The following ITPR2 variants were observed in gnomAD, a reference collection of about 807,000 sequenced individuals.
ITPR2 encodes the protein inositol 1,4,5-trisphosphate-gated calcium channel ITPR2.
Under a neutral mutation model 317.1 loss-of-function variants are expected in ITPR2, and 207 were observed. The observed-to-expected ratio is 0.65, with a 90% CI of 0.58 to 0.73. The LOEUF (loss-of-function observed/expected upper bound fraction) is 0.73, where lower values mean the gene tolerates loss of function less well. Ranked by LOEUF, ITPR2 falls within the 30% of genes least tolerant of loss-of-function variation. The pLI is 0.00. For missense variants in ITPR2, 2,613 were observed against 3,284.0 expected, an observed-to-expected ratio of 0.80 and a Z score of 4.99; for synonymous variants, 1,156 against 1,149.1, an observed-to-expected ratio of 1.01 and a Z score of -0.12.
intron 34 of ITPR2, among the ~76,000 whole-genome samples, chr12:26,562,677 G>A (rs951647204): frequency 6.6e-6 from 1 of 151,884 alleles, no homozygotes; most frequent in Non-Finnish European, 1.5e-5. Context: ...AGTGCAGCAG[G>A]GATATGGGGC....
At chr12:26,601,069 C>T (rs1054845711) in intron 28 of ITPR2, among the ~76,000 whole-genome samples, 2 of 152,098 alleles carry the variant, frequency 1.3e-5, no homozygotes, top group Admixed American at 1.3e-4. Flanking sequence ...AGAATCTTAA[C>T]AAGAAACTTA....
chr12:26,594,003 G>A (rs1001751771), intron 32 of ITPR2, among the ~76,000 whole-genome samples: 2 of 152,110 alleles, frequency 1.3e-5, no homozygotes, highest in Non-Finnish European at 2.9e-5. Flanking sequence ...CCTCCTGCAC[G>A]TGCAGTTTTA....
At chr12:26,614,518 A>G (rs556768203) in intron 26 of ITPR2, among the ~76,000 whole-genome samples, 6 of 152,308 alleles carry the variant, frequency 3.9e-5, no homozygotes, top group Admixed American at 2.6e-4. Context: ...CCTGCACCCA[A>G]ATGTTTATAG....
At chr12:26,530,485 G>C (rs1043296108) in intron 37 of ITPR2, among the ~76,000 whole-genome samples, 10 of 152,176 alleles carry the variant, frequency 6.6e-5, no homozygotes, top group Non-Finnish European at 1.2e-4. Context: ...TTACTTTCTT[G>C]ATGGTCAGAA....
chr12:26,662,585 C>G (rs114275611), intron 15 of ITPR2, among the ~76,000 whole-genome samples: 1 of 152,104 alleles, frequency 6.6e-6, no homozygotes, highest in Non-Finnish European at 1.5e-5. Flanking sequence ...TTAAGAGAAA[C>G]CCTAATTTAT....
chr12:26,364,738 A>C (rs1379986357), intron 55 of ITPR2, among the ~76,000 whole-genome samples: 1 of 152,172 alleles, frequency 6.6e-6, no homozygotes, highest in African/African-American at 2.4e-5. Flanking sequence ...CTTGAAAATC[A>C]ATTTATCTTG....
intron 28 of ITPR2, 75 bp downstream of exon 28, chr12:26,602,295 T>A: frequency 6.7e-7 from 1 of 1,502,412 alleles, no homozygotes; most frequent in Non-Finnish European, 9.0e-7. Context: ...AAGAAAAAAT[T>A]TCTTGGAACT....
rs1214849588 is a variant in ITPR2, at chr12:26,483,911, GA to G, written c.5812-14del. 1 of 1,610,462 alleles carries G rather than the reference GA, an allele frequency of 6.2e-7. No individual in the cohort carries two copies. The highest frequency in any genetic ancestry group is 8.5e-7 in the Non-Finnish European group (1 of 1,176,950). The stretch of plus-strand genomic sequence containing the variant: ...TCCTCAAGAAGTTCTGAAGGCAAAA[GA>G]AAATAAAATTGAAGGGTTACAAAAA... On this transcript the variant is annotated splice_polypyrimidine_tract_variant and intron_variant, in intron 41 of 56. Transcript: ENST00000381340.
chr12:26,782,017 TATATATATATATATATGTATAGAGAGAG>T (rs1449773191), intron 2 of ITPR2, among the ~76,000 whole-genome samples: 132 of 47,998 alleles, frequency 2.8e-3, no homozygotes, highest in Admixed American at 5.2e-3. Context: ...TATATATATA[TATATATATATATATATGTATAGAGAGAG>T]AGAGAGAGAG....
intron 8 of ITPR2, among the ~76,000 whole-genome samples, chr12:26,712,751 C>A (rs1315952405): frequency 6.6e-6 from 1 of 152,140 alleles, no homozygotes; most frequent in African/African-American, 2.4e-5. Flanking sequence ...CTCTCCTATA[C>A]ATCAGTGGGT....
At chr12:26,761,582 C>A (rs901309602) in intron 2 of ITPR2, among the ~76,000 whole-genome samples, 5 of 152,154 alleles carry the variant, frequency 3.3e-5, no homozygotes, top group Non-Finnish European at 5.9e-5. Context: ...TCGCTTGAGG[C>A]CACAAGTTTG....
At chr12:26,659,746 T>C (rs1231972654) in intron 15 of ITPR2, among the ~76,000 whole-genome samples, 1 of 152,216 alleles carries the variant, frequency 6.6e-6, no homozygotes, top group Non-Finnish European at 1.5e-5. Flanking sequence ...AGCCAATGAT[T>C]TGGGCATAAT....
rs1191769491 is a variant in ITPR2 at position 26,790,083 on chromosome 12, ATTAC to A, written c.163+70_163+73del. ...GTTTCACATTGAATAAAGTTTTAAC[ATTAC>A]TTACTTTGAGACATAAAAATAATCC... On this transcript the variant is annotated intron_variant, in intron 2 of 56. Coordinates refer to ENST00000381340, the MANE Select transcript of ITPR2 (RefSeq NM_002223.4). 32 of 957,064 alleles carry A rather than the reference ATTAC, an allele frequency of 3.3e-5. No individual in the cohort carries two copies. The Admixed American group carries it at 5.8e-4, about 17-fold the overall frequency. The allele number at this position is 957,064 out of a possible 1,614,324, so 59.3% of individuals were successfully genotyped here. A position where few individuals can be genotyped will look rare whatever the true frequency, so the allele number is the denominator to read the frequency against.
At chr12:26,656,697 A>T in intron 18 of ITPR2, 149 bp from the exon 19 acceptor site, 1 of 785,562 alleles carries the variant, frequency 1.3e-6, no homozygotes, top group Non-Finnish European at 2.0e-6. Flanking sequence ...TATGTTAACC[A>T]TTAAGATCAA....
intron 26 of ITPR2, among the ~76,000 whole-genome samples, chr12:26,603,729 A>G (rs1946057142): frequency 6.6e-6 from 1 of 152,252 alleles, no homozygotes; most frequent in African/African-American, 2.4e-5. Context: ...CTACTTAGGC[A>G]TAAAGGATGT....
chr12:26,663,411 C>A (rs188953268), intron 15 of ITPR2, among the ~76,000 whole-genome samples: 2 of 152,298 alleles, frequency 1.3e-5, no homozygotes, highest in African/African-American at 4.8e-5. Context: ...CATAATAGAT[C>A]CAGGATGTCC....
In ITPR2 at chr12:26,444,483, C is replaced by T. The variant is rs962972520; in HGVS notation, c.6343-833G>A. Among the ~76,000 whole-genome samples, 5 of 152,116 alleles carry T rather than the reference C, an allele frequency of 3.3e-5. No homozygotes were observed. In the South Asian group the frequency reaches 1.0e-3, roughly 31 times the overall value. On this transcript the variant is annotated intron_variant, in intron 45 of 56. Coordinates refer to ENST00000381340, the MANE Select transcript of ITPR2 (RefSeq NM_002223.4). ...TTCACTCCCAGCACAATGCCTGCCT[C>T]CAACTCCATGCCAGGCACTAATTCT... is the stretch of plus-strand genomic sequence containing the variant.
chr12:26,355,231 C>T (rs1938599100), intron 55 of ITPR2, among the ~76,000 whole-genome samples: 1 of 152,182 alleles, frequency 6.6e-6, no homozygotes, highest in Admixed American at 6.5e-5. Flanking sequence ...CCATACTCAT[C>T]GTACATGCTG....
At chr12:26,602,259 G>A in intron 28 of ITPR2, 111 bp downstream of exon 28, 1 of 1,154,514 alleles carries the variant, frequency 8.7e-7, no homozygotes. Context: ...GCACCTGGTG[G>A]GTGATTTATT....
Sources: gnomAD v4.1 joint callset for allele counts (sites outside exome capture counted in the v4.1 genomes callset) on GRCh38, gnomAD v4.1.1 for gene constraint, MANE v1.5 for transcripts, NCBI Gene and HGNC (gene_info 2026-07-23, HGNC 2026-07-21) for gene names.